ZNF385C: variants seen among roughly 807,000 people sequenced by gnomAD.
ZNF385C encodes CTD-2132N18.2.
A neutral mutation model predicts 35.4 loss-of-function variants in ZNF385C; 28 were observed. That is an observed-to-expected ratio of 0.79 (90% CI 0.59 to 1.08). The LOEUF (loss-of-function observed/expected upper bound fraction) is 1.08. Ranked by LOEUF, ZNF385C falls within the 50% of genes least tolerant of loss-of-function variation. The probability of loss-of-function intolerance (pLI) is 0.00; values close to 1 mark genes in which losing one functional copy is unlikely to be tolerated. For synonymous variants in ZNF385C, 248 were observed against 248.2 expected (o/e 1.00, Z 0.01); for missense variants, 605 against 595.6 (o/e 1.02, Z -0.16).
chr17:42,064,357 C>T (rs1555658302), intron 1 of ZNF385C, among the ~76,000 whole-genome samples: 1 of 152,212 alleles, frequency 6.6e-6, no homozygotes, highest in African/African-American at 2.4e-5. Flanking sequence ...CTCCCTCAGG[C>T]TGGGGCAACC....
intron 1 of ZNF385C, among the ~76,000 whole-genome samples, chr17:42,094,732 C>T (rs957102679): frequency 2.4e-4 from 37 of 152,174 alleles, no homozygotes; most frequent in Non-Finnish European, 4.4e-4. Context: ...TCCTGGGAGA[C>T]GTGGGGGGAG....
intron 4 of ZNF385C, among the ~76,000 whole-genome samples, chr17:42,032,041 T>TTTG (rs58515485): frequency 0.062 from 9,439 of 152,042 alleles, 457 homozygotes; most frequent in African/African-American, 0.14. Flanking sequence ...ACCACATCTT[T>TTTG]TTGTTGTTGT....
At chr17:42,040,734 A>G in intron 2 of ZNF385C, 1 of 1,232,344 alleles carries the variant, frequency 8.1e-7, no homozygotes, top group Non-Finnish European at 1.0e-6. Flanking sequence ...CCCGGAGCTC[A>G]GGGACCAAGT....
In ZNF385C at chr17:42,026,676, T is replaced by C. The variant is rs1264437087; in HGVS notation, c.*221A>G. On this transcript the variant is annotated 3_prime_UTR_variant, in exon 9 of 9. Coordinates refer to ENST00000692273, the MANE Select transcript of ZNF385C (RefSeq NM_001392013.1). ...CTTTGGGGTCTGTCAGGGTGGGAAA[T>C]GCAGGCAAGCCTAGGATTAACCCTG... 2 of 595,934 alleles carry C rather than the reference T, an allele frequency of 3.4e-6. No individual in the cohort carries two copies. Among genetic ancestry groups the C allele is most frequent in the East Asian group, 5.7e-5 (2 of 34,874 alleles). The allele number at this position is 595,934 out of a possible 1,614,324, so 36.9% of individuals were successfully genotyped here. A position where few individuals can be genotyped will look rare whatever the true frequency, so the allele number is the denominator to read the frequency against.
rs1555655625 is a variant in ZNF385C, at chr17:42,037,758, A to G, written c.378T>C (p.Ser126=). 6.5e-7 allele frequency: 1 copy of G among 1,535,796 alleles called. No individual in the cohort carries two copies. The highest frequency in any genetic ancestry group is 8.8e-7 in the Non-Finnish European group (1 of 1,140,640). ...AFHFNGAAPL[S]LFPNFSTMDP... ...ATACCGTGCTGAAGTTGGGGAAGAGACTGAGCGGGGCAGCGCCATTGAAGT... is the reference window on the plus strand; with the variant it reads ...ATACCGTGCTGAAGTTGGGGAAGAGGCTGAGCGGGGCAGCGCCATTGAAGT... Residue 126 remains serine (S), a synonymous_variant, in exon 3 of 9, where the codon AGT becomes AGC. Coordinates refer to ENST00000692273, the MANE Select transcript of ZNF385C (RefSeq NM_001392013.1).
intron 1 of ZNF385C, among the ~76,000 whole-genome samples, chr17:42,090,908 C>A (rs1269678251): frequency 6.6e-6 from 1 of 152,030 alleles, no homozygotes; most frequent in African/African-American, 2.4e-5. Context: ...ATCTTGTTCC[C>A]TCTTGGAACC....
At chr17:42,032,886 T>A (rs2052762958) in intron 4 of ZNF385C, among the ~76,000 whole-genome samples, 1 of 151,928 alleles carries the variant, frequency 6.6e-6, no homozygotes, top group Non-Finnish European at 1.5e-5. Flanking sequence ...CTGCTTTTTT[T>A]TTTTTCTTCT....
intron 2 of ZNF385C, among the ~76,000 whole-genome samples, chr17:42,047,148 C>CA (rs1399585735): frequency 6.6e-6 from 1 of 152,124 alleles, no homozygotes; most frequent in African/African-American, 2.4e-5. Context: ...TCTCCTGCCT[C>CA]AGCCTCCTGA....
rs868948373 is a variant in ZNF385C at position 42,040,234 on chromosome 17, T to C, written c.251-2349A>G. 9 of 1,231,436 alleles carry C rather than the reference T, an allele frequency of 7.3e-6. No homozygotes were observed. In the African/African-American group the frequency reaches 1.4e-4, roughly 19 times the overall value. 76.3% of individuals were successfully genotyped at this position (1,231,436 alleles called of 1,614,324 possible). A position where few individuals can be genotyped will look rare whatever the true frequency, so the allele number is the denominator to read the frequency against. On this transcript the variant is annotated intron_variant, in intron 2 of 8. Transcript: ENST00000692273. ...CCCGGGGTAGGAGTCCTGTAGGCCC[T>C]TCCGCATGGAGTCCAGGAAGGATCC...
intron 1 of ZNF385C, among the ~76,000 whole-genome samples, chr17:42,093,921 G>A: frequency 6.6e-6 from 1 of 151,136 alleles, no homozygotes; most frequent in East Asian, 2.0e-4. Flanking sequence ...TCCCTTTCCT[G>A]CCGCCTTGCC....
chr17:42,046,079 C>T (rs2053154454), intron 2 of ZNF385C, among the ~76,000 whole-genome samples: 1 of 152,204 alleles, frequency 6.6e-6, no homozygotes, highest in African/African-American at 2.4e-5. Flanking sequence ...TCCCTTCTGC[C>T]ATGCTGATCC....
rs548134232 is a variant in ZNF385C, at chr17:42,091,494, G to C, written c.-3+6916C>G. 3.3e-5 allele frequency among the ~76,000 whole-genome samples: 5 copies of C among 152,160 alleles called. No homozygotes were observed. The East Asian group carries it at 9.6e-4, about 29-fold the overall frequency. On this transcript the variant is annotated intron_variant, in intron 1 of 8. Coordinates refer to ENST00000692273, the MANE Select transcript of ZNF385C (RefSeq NM_001392013.1). ...AAAACCAGTCCTGCTCCTGATTTTT[G>C]CCCTATGCCCAGCTTCCCAAGGGTC...
chr17:42,083,637 T>TA (rs1335586260), intron 1 of ZNF385C, among the ~76,000 whole-genome samples: 10 of 146,994 alleles, frequency 6.8e-5, no homozygotes, highest in African/African-American at 2.0e-4. Context: ...TTTGATTACT[T>TA]AAAAAAAACT....
At chr17:42,059,096 A>G (rs1230714902) in intron 2 of ZNF385C, among the ~76,000 whole-genome samples, 1 of 152,206 alleles carries the variant, frequency 6.6e-6, no homozygotes, top group Non-Finnish European at 1.5e-5. Context: ...CACCAGGCCA[A>G]TGGAGAAGGC....
At chr17:42,031,924 C>T (rs2052739129) in intron 4 of ZNF385C, 140 bp from the exon 5 acceptor site, 1 of 897,720 alleles carries the variant, frequency 1.1e-6, no homozygotes. Context: ...TCCTTGTCAT[C>T]ATCATCACCA....
intron 2 of ZNF385C, chr17:42,040,154 G>C: frequency 8.1e-7 from 1 of 1,231,546 alleles, no homozygotes; most frequent in Non-Finnish European, 1.0e-6. Flanking sequence ...GGCGCCTGCG[G>C]GTAGCGTCGG....
chr17:42,034,551 A>G (rs1555655235), intron 3 of ZNF385C, among the ~76,000 whole-genome samples: 2 of 151,724 alleles, frequency 1.3e-5, no homozygotes, highest in Admixed American at 6.6e-5. Context: ...AGGCCGAGGC[A>G]GGCAGATCAC....
chr17:42,028,140 TG>T lies in ZNF385C; in HGVS notation c.1073del (p.Thr358LysfsTer29), dbSNP rs782174537. On this transcript the variant is annotated frameshift_variant, in exon 7 of 9. Coordinates refer to ENST00000692273, the MANE Select transcript of ZNF385C (RefSeq NM_001392013.1). LOFTEE classifies it high-confidence loss of function. ...GGAGHKAKRV[T>X]GGRGGRQGPS... ...GCCCCTGCCGGCCGCCCCGGCCCCC[TG>T]TGACTCTCTTGGCTTTGTGTCCGGC... 9.9e-6 allele frequency: 16 copies of T among 1,611,732 alleles called. No individual in the cohort carries two copies. The highest frequency in any genetic ancestry group is 1.4e-5 in the Non-Finnish European group (16 of 1,179,284).
At chr17:42,092,933 G>A (rs2053877773) in intron 1 of ZNF385C, among the ~76,000 whole-genome samples, 1 of 152,126 alleles carries the variant, frequency 6.6e-6, no homozygotes, top group Admixed American at 6.5e-5. Context: ...GGGGGTCCGG[G>A]GAAGGCTGGA....
Sources: gnomAD v4.1 joint callset for allele counts (sites outside exome capture counted in the v4.1 genomes callset) on GRCh38, gnomAD v4.1.1 for gene constraint, MANE v1.5 for transcripts, NCBI Gene and HGNC (gene_info 2026-07-23, HGNC 2026-07-21) for gene names.